Variants in MCC observed in about 807,000 individuals in gnomAD.
MCC encodes colorectal mutant cancer protein.
A neutral mutation model predicts 116.2 loss-of-function variants in MCC; 90 were observed. That is an observed-to-expected ratio of 0.77 (90% CI 0.65 to 0.92). The LOEUF (loss-of-function observed/expected upper bound fraction) is 0.92, where lower values mean the gene tolerates loss of function less well. Ranked by LOEUF, MCC falls within the 40% of genes least tolerant of loss-of-function variation. The pLI, the probability that MCC is intolerant of heterozygous loss-of-function variation, is 0.00. For missense variants in MCC, 1,516 were observed against 1,312.2 expected (o/e 1.16, Z -2.40); for synonymous variants, 578 against 510.5 (o/e 1.13, Z -1.78).
chr5:113,224,587 G>C (rs1278201564), intron 3 of MCC, among the ~76,000 whole-genome samples: 2 of 152,088 alleles, frequency 1.3e-5, no homozygotes, highest in Non-Finnish European at 2.9e-5. Flanking sequence ...GACTTTAAAG[G>C]CTCCCAGACT....
At chr5:113,282,915 T>TAAAG (rs1206211021) in intron 3 of MCC, among the ~76,000 whole-genome samples, 1 of 152,172 alleles carries the variant, frequency 6.6e-6, no homozygotes, top group East Asian at 1.9e-4. Flanking sequence ...CTCCTAAAAC[T>TAAAG]CCTCTTTGAA....
At chr5:113,101,153 A>C (rs1293184441) in intron 8 of MCC, among the ~76,000 whole-genome samples, 1 of 152,204 alleles carries the variant, frequency 6.6e-6, no homozygotes, top group South Asian at 2.1e-4. Flanking sequence ...AGCAGGAGTC[A>C]CACATACACA....
intron 17 of MCC, among the ~76,000 whole-genome samples, chr5:113,042,209 T>C (rs1047061089): frequency 2.0e-5 from 3 of 151,400 alleles, no homozygotes; most frequent in Non-Finnish European, 4.4e-5. Context: ...GGGCACTGCA[T>C]GCCTGTAATC....
intron 1 of MCC, among the ~76,000 whole-genome samples, chr5:113,479,566 T>A (rs1463710707): frequency 6.7e-6 from 1 of 148,970 alleles, no homozygotes; most frequent in Non-Finnish European, 1.5e-5. Flanking sequence ...TTCCAAATTG[T>A]CTCCCATGTT....
At chr5:113,454,694 TAAA>T (rs1486525483) in intron 1 of MCC, among the ~76,000 whole-genome samples, 2 of 152,210 alleles carry the variant, frequency 1.3e-5, no homozygotes, top group Non-Finnish European at 2.9e-5. Context: ...AGGACAGACT[TAAA>T]GAAGTCCATC....
intron 1 of MCC, among the ~76,000 whole-genome samples, chr5:113,385,730 G>A (rs556793740): frequency 2.0e-5 from 3 of 152,220 alleles, no homozygotes; most frequent in East Asian, 1.9e-4. Flanking sequence ...CTTGACTTTC[G>A]TGGTTCAATG....
In MCC at chr5:113,227,803, T is replaced by C. The variant is rs151030921; in HGVS notation, c.628-76381A>G. ...TAATAAAAGTAAAAAGTAGTCTCTT[T>C]TCCCCTACAAGATCTATCATTTTCC... On this transcript the variant is annotated intron_variant, in intron 3 of 18. Transcript: ENST00000408903. 7.1e-4 allele frequency among the ~76,000 whole-genome samples: 108 copies of C among 152,330 alleles called. No homozygotes were observed. In the East Asian group the frequency reaches 0.017, roughly 24 times the overall value.
At chr5:113,417,290 T>C (rs1770179045) in intron 1 of MCC, among the ~76,000 whole-genome samples, 1 of 152,210 alleles carries the variant, frequency 6.6e-6, no homozygotes. Context: ...TTTATGCTCC[T>C]GCCTAATATA....
chr5:113,208,828 C>T (rs1016958541), intron 3 of MCC, among the ~76,000 whole-genome samples: 1 of 152,160 alleles, frequency 6.6e-6, no homozygotes, highest in Non-Finnish European at 1.5e-5. Context: ...AATATGTCCC[C>T]AACATCATGG....
At chr5:113,085,474 A>C (rs1755148636) in intron 8 of MCC, among the ~76,000 whole-genome samples, 164 bp from the exon 9 acceptor site, 1 of 151,928 alleles carries the variant, frequency 6.6e-6, no homozygotes, top group African/African-American at 2.4e-5. Flanking sequence ...CTTTTTTCGG[A>C]CTAATAATTT....
chr5:113,257,956 G>A (rs558408679), intron 3 of MCC, among the ~76,000 whole-genome samples: 2 of 152,306 alleles, frequency 1.3e-5, no homozygotes, highest in Non-Finnish European at 2.9e-5. Context: ...CAGGTCTGGT[G>A]ACAAGCTGAG....
chr5:113,228,485 G>C (rs1763827458), intron 3 of MCC, among the ~76,000 whole-genome samples: 1 of 152,146 alleles, frequency 6.6e-6, no homozygotes, highest in Non-Finnish European at 1.5e-5. Flanking sequence ...AACAAGCCTG[G>C]GGAAAGTGTG....
chr5:113,488,334 G>A lies in MCC; in HGVS notation c.81C>T (p.Ser27=). 2 of 1,483,714 alleles carry A rather than the reference G, an allele frequency of 1.3e-6. No homozygotes were observed. Among genetic ancestry groups the A allele is most frequent in the Middle Eastern group, 1.8e-4 (1 of 5,654 alleles). The allele number at this position is 1,483,714 out of a possible 1,614,324, so 91.9% of individuals were successfully genotyped here. A position where few individuals can be genotyped will look rare whatever the true frequency, so the allele number is the denominator to read the frequency against. The change falls in exon 1 of 19, where the codon AGC becomes AGT. Residue 27 remains serine (S), a synonymous_variant. Transcript: ENST00000408903. ...GGGGGSGSSS[S]SSDTSSTGEE... ...CGCCGGTGCTGGACGTGTCGCTGCT[G>A]CTGCTGCTGCTGCCGCTGCCGCCGC...
intron 3 of MCC, among the ~76,000 whole-genome samples, chr5:113,322,689 T>A (rs536859598): frequency 6.6e-6 from 1 of 152,318 alleles, no homozygotes; most frequent in African/African-American, 2.4e-5. Context: ...ACTTATTCCA[T>A]AAATATTTAC....
chr5:113,330,987 A>C (rs969617036), intron 3 of MCC, among the ~76,000 whole-genome samples: 1 of 152,208 alleles, frequency 6.6e-6, no homozygotes, highest in South Asian at 2.1e-4. Flanking sequence ...CAGATTGCCA[A>C]AGGGCAGAAG....
At chr5:113,085,373 GA>G in intron 8 of MCC, 63 bp from the exon 9 acceptor site, 1 of 1,510,870 alleles carries the variant, frequency 6.6e-7, no homozygotes, top group Non-Finnish European at 9.0e-7. Context: ...AAAACAGCCA[GA>G]TGGGTAGGTG....
chr5:113,034,514 A>G (rs916694918), intron 17 of MCC, among the ~76,000 whole-genome samples: 14 of 152,248 alleles, frequency 9.2e-5, no homozygotes, highest in African/African-American at 1.9e-4. Flanking sequence ...CCCAGTCTCA[A>G]TGAGGCTGTG....
chr5:113,037,903 G>T (rs1055774878), intron 17 of MCC, among the ~76,000 whole-genome samples: 1 of 152,214 alleles, frequency 6.6e-6, no homozygotes, highest in African/African-American at 2.4e-5. Flanking sequence ...GGGCTAGGAA[G>T]TTAAGTTAGG....
At chr5:113,468,817 T>G (rs1771992578) in intron 1 of MCC, among the ~76,000 whole-genome samples, 1 of 152,198 alleles carries the variant, frequency 6.6e-6, no homozygotes. Context: ...GGTCCTGGAC[T>G]TTTTTTGGTT....
Sources: allele counts gnomAD v4.1 joint callset (sites outside exome capture counted in the v4.1 genomes callset), GRCh38; gene constraint gnomAD v4.1.1; transcripts MANE v1.5; gene names NCBI Gene and HGNC (gene_info 2026-07-23, HGNC 2026-07-21).